Variants in MAP2K4 observed in about 807,000 individuals in gnomAD.
The protein encoded by MAP2K4 is mitogen-activated protein kinase kinase 4.
In MAP2K4, 4 loss-of-function variants were observed where a neutral mutation model predicts 48.5. The ratio of observed to expected loss-of-function variants is 0.08; its 90% confidence interval spans 0.04 to 0.19. The LOEUF is 0.19. Among genes scored for constraint, MAP2K4 ranks in the 10% least tolerant of loss-of-function variants. MAP2K4 has a pLI of 1.00. For synonymous variants in MAP2K4, 166 were observed against 173.1 expected (o/e 0.96, Z 0.32); for missense variants, 258 against 493.3 (o/e 0.52, Z 4.52).
At chr17:12,107,133 GTATT>G (rs1420124791) in intron 4 of MAP2K4, among the ~76,000 whole-genome samples, 1 of 152,126 alleles carries the variant, frequency 6.6e-6, no homozygotes, top group Non-Finnish European at 1.5e-5. Flanking sequence ...CATTTAACAA[GTATT>G]TATTGAGTCT....
At chr17:12,053,506 T>A (rs1970202481) in intron 1 of MAP2K4, among the ~76,000 whole-genome samples, 1 of 152,092 alleles carries the variant, frequency 6.6e-6, no homozygotes, top group African/African-American at 2.4e-5. Context: ...AGGTTCAATT[T>A]TTTTTTAGTT....
intron 1 of MAP2K4, among the ~76,000 whole-genome samples, chr17:12,051,302 T>G (rs1970133102): frequency 6.6e-6 from 1 of 152,186 alleles, no homozygotes; most frequent in South Asian, 2.1e-4. Context: ...CAACAAAGAT[T>G]TACTCCAGCC....
At chr17:12,041,221 G>C (rs1969769374) in intron 1 of MAP2K4, among the ~76,000 whole-genome samples, 1 of 152,192 alleles carries the variant, frequency 6.6e-6, no homozygotes, top group African/African-American at 2.4e-5. Flanking sequence ...TAATATTTTT[G>C]AAATTGGGAG....
chr17:12,117,892 G>GA (rs1347674149), intron 7 of MAP2K4, among the ~76,000 whole-genome samples: 1 of 152,074 alleles, frequency 6.6e-6, no homozygotes, highest in African/African-American at 2.4e-5. Context: ...AAAAGTTACT[G>GA]AAAAATAGAA....
intron 8 of MAP2K4, 81 bp from the exon 9 acceptor site, chr17:12,129,058 T>C (rs1259748663): frequency 7.1e-7 from 1 of 1,402,608 alleles, no homozygotes; most frequent in Non-Finnish European, 9.8e-7. Flanking sequence ...GCTTGTAGTT[T>C]AGATTTTTTT....
chr17:12,099,213 CA>C lies in MAP2K4; in HGVS notation c.513+3532del, dbSNP rs202135270. The stretch of plus-strand genomic sequence containing the variant: ...GGCCTCCAGTGTATCCGTGTTGCTA[CA>C]AAAAAAAAAAAACATGATTTCATTC... On this transcript the variant is annotated intron_variant, in intron 4 of 10. Transcript: ENST00000353533. Among the ~76,000 whole-genome samples the C allele has an allele frequency of 5.9e-3, 746 of 126,052 alleles. 3 individuals are homozygous for C. The highest frequency in any genetic ancestry group is 0.011 in the East Asian group (51 of 4,504). The allele number at this position is 126,052 out of a possible 152,430, so 82.7% of individuals were successfully genotyped here. A position where few individuals can be genotyped will look rare whatever the true frequency, so the allele number is the denominator to read the frequency against.
At chr17:12,126,074 G>A (rs1307340056) in intron 8 of MAP2K4, among the ~76,000 whole-genome samples, 3 of 152,074 alleles carry the variant, frequency 2.0e-5, no homozygotes, top group Non-Finnish European at 2.9e-5. Flanking sequence ...GACAGCACTA[G>A]GGGGATGGTG....
At chr17:12,045,491 A>G (rs528478426) in intron 1 of MAP2K4, among the ~76,000 whole-genome samples, 170 of 152,224 alleles carry the variant, frequency 1.1e-3, no homozygotes, top group Non-Finnish European at 2.1e-3. Flanking sequence ...TCTGGGATAT[A>G]GATGGAAATC....
intron 3 of MAP2K4, among the ~76,000 whole-genome samples, chr17:12,094,238 A>G (rs1362145750): frequency 1.3e-5 from 2 of 152,236 alleles, no homozygotes; most frequent in Admixed American, 1.3e-4. Flanking sequence ...GAAATACTGT[A>G]GGTAGCAAGC....
intron 4 of MAP2K4, among the ~76,000 whole-genome samples, chr17:12,095,895 TTGTGTG>T (rs71947375): frequency 0.023 from 3,366 of 147,252 alleles, 78 homozygotes; most frequent in Admixed American, 0.06. Flanking sequence ...ACACGTGTGT[TTGTGTG>T]TGTGTGTGTG....
At chr17:12,132,178 C>T (rs1023581343) in intron 9 of MAP2K4, among the ~76,000 whole-genome samples, 2 of 152,112 alleles carry the variant, frequency 1.3e-5, no homozygotes, top group Non-Finnish European at 2.9e-5. Flanking sequence ...AAGCAGTATC[C>T]AGTATAGCTG....
chr17:12,104,769 A>T (rs1972051683), intron 4 of MAP2K4, among the ~76,000 whole-genome samples: 2 of 151,982 alleles, frequency 1.3e-5, no homozygotes, highest in Admixed American at 1.3e-4. Flanking sequence ...AACAGGTCTT[A>T]TCCTTTGTGA....
At chr17:12,073,288 A>T (rs1431892566) in intron 2 of MAP2K4, among the ~76,000 whole-genome samples, 2 of 152,172 alleles carry the variant, frequency 1.3e-5, no homozygotes, top group African/African-American at 2.4e-5. Context: ...GATGCTGATG[A>T]ATTTTATCTG....
intron 2 of MAP2K4, among the ~76,000 whole-genome samples, chr17:12,068,582 T>C (rs1317572816): frequency 2.0e-5 from 3 of 152,156 alleles, no homozygotes; most frequent in Non-Finnish European, 2.9e-5. Context: ...TAGTGACTTG[T>C]AGAATTCTGG....
intron 9 of MAP2K4, among the ~76,000 whole-genome samples, chr17:12,133,369 A>G (rs1228588036): frequency 2.0e-5 from 3 of 152,238 alleles, no homozygotes; most frequent in Non-Finnish European, 4.4e-5. Context: ...GGCGTGAGCC[A>G]CTGCGCCAGG....
In MAP2K4 at chr17:12,121,517, G is replaced by A. The variant is rs950613380; in HGVS notation, c.814-3777G>A. On this transcript the variant is annotated intron_variant, in intron 7 of 10. Transcript: ENST00000353533. ...GGGAACCCGGGAGGCGGAGCTTGCA[G>A]TGAGCCGAGATCGCGCCACTGCACT... 6.7e-5 allele frequency among the ~76,000 whole-genome samples: 10 copies of A among 148,938 alleles called. No individual in the cohort carries two copies. In the South Asian group the frequency reaches 1.7e-3, roughly 26 times the overall value.
In MAP2K4 at chr17:12,125,315, G is replaced by T. The variant is rs753665559; in HGVS notation, c.835G>T (p.Ala279Ser). ...CCAGCCTGAAAGAATAGACCCAAGC[G>T]CATCACGACAAGGATATGATGTCCG... The part of the protein sequence containing the change: ...YMAPERIDPS[A>S]SRQGYDVRSD... The change falls in exon 8 of 11, where the codon GCA becomes TCA. Residue 279 changes from alanine to serine, a missense_variant. By Grantham distance (99) the Ala-to-Ser change is moderately conservative. Transcript: ENST00000353533. 6.2e-7 allele frequency: 1 copy of T among 1,613,802 alleles called. No homozygotes were observed. Among genetic ancestry groups the T allele is most frequent in the Non-Finnish European group, 8.5e-7 (1 of 1,179,832 alleles).
At chr17:12,053,197 A>G (rs1168261309) in intron 1 of MAP2K4, among the ~76,000 whole-genome samples, 1 of 152,006 alleles carries the variant, frequency 6.6e-6, no homozygotes. Flanking sequence ...TTTTTTGTAT[A>G]TTGCTGAACC....
chr17:12,126,381 G>A (rs1348979039), intron 8 of MAP2K4, among the ~76,000 whole-genome samples: 1 of 152,194 alleles, frequency 6.6e-6, no homozygotes, highest in Non-Finnish European at 1.5e-5. Flanking sequence ...AGTTCAGGCT[G>A]CTCCAACCAA....
Sources: allele counts gnomAD v4.1 joint callset (sites outside exome capture counted in the v4.1 genomes callset), GRCh38; gene constraint gnomAD v4.1.1; transcripts MANE v1.5; gene names NCBI Gene and HGNC (gene_info 2026-07-23, HGNC 2026-07-21).